NEBL: variants seen among roughly 807,000 people sequenced by gnomAD.
NEBL encodes the protein nebulette, also known as LIM and SH3 protein 2.
A neutral mutation model predicts 140.2 loss-of-function variants in NEBL; 122 were observed. The observed-to-expected ratio is 0.87, with a 90% CI of 0.75 to 1.01. The LOEUF is 1.01. Among genes scored for constraint, NEBL ranks in the 50% least tolerant of loss-of-function variants. The probability of loss-of-function intolerance (pLI) is 0.00; values close to 1 mark genes in which losing one functional copy is unlikely to be tolerated. For synonymous variants in NEBL, 436 were observed against 398.9 expected, an observed-to-expected ratio of 1.09 and a Z score of -1.11; for missense variants, 1,365 against 1,231.3, an observed-to-expected ratio of 1.11 and a Z score of -1.62.
chr10:20,789,097 C>A (rs977263021), intron 26 of NEBL, among the ~76,000 whole-genome samples: 1 of 152,144 alleles, frequency 6.6e-6, no homozygotes, highest in African/African-American at 2.4e-5. Context: ...TCTTGGGCAC[C>A]TGGCCTTTTA....
At chr10:21,141,633 C>T (rs1344739545) in intron 2 of NEBL, among the ~76,000 whole-genome samples, 1 of 151,916 alleles carries the variant, frequency 6.6e-6, no homozygotes, top group Non-Finnish European at 1.5e-5. Context: ...CAGAGAAACA[C>T]AAAAAAGATG....
intron 3 of NEBL, among the ~76,000 whole-genome samples, chr10:21,000,404 C>A (rs1015138656): frequency 1.3e-5 from 2 of 152,030 alleles, no homozygotes. Context: ...TCTGGTCCCC[C>A]CATTAGTCCC....
intron 3 of NEBL, among the ~76,000 whole-genome samples, chr10:21,241,391 C>T (rs1842438779): frequency 6.6e-6 from 1 of 152,062 alleles, no homozygotes; most frequent in Admixed American, 6.5e-5. Context: ...ATTCCCGTTC[C>T]AGGCGGCGCA....
chr10:20,933,807 C>A (rs548204997), intron 4 of NEBL, among the ~76,000 whole-genome samples: 1 of 152,120 alleles, frequency 6.6e-6, no homozygotes, highest in African/African-American at 2.4e-5. Flanking sequence ...TCAGATACAA[C>A]ACAAATGACA....
chr10:21,266,742 G>A (rs911637146), intron 1 of NEBL, among the ~76,000 whole-genome samples: 12 of 152,264 alleles, frequency 7.9e-5, no homozygotes, highest in African/African-American at 2.9e-4. Context: ...TTTCAGCAAG[G>A]GAGAAAATCC....
intron 3 of NEBL, among the ~76,000 whole-genome samples, chr10:21,180,693 T>C (rs1373960034): frequency 6.6e-6 from 1 of 152,166 alleles, no homozygotes; most frequent in African/African-American, 2.4e-5. Context: ...TAAGCCACCT[T>C]GTCCAGCTAT....
At chr10:20,867,501 C>A (rs577791726) in intron 7 of NEBL, among the ~76,000 whole-genome samples, 9 of 152,212 alleles carry the variant, frequency 5.9e-5, no homozygotes, top group African/African-American at 1.7e-4. Context: ...GCAAACATTA[C>A]CTTTTTCATT....
At chr10:21,179,405 G>T (rs1050122478), upstream of NEBL, among the ~76,000 whole-genome samples, 2 of 152,110 alleles carry the variant, frequency 1.3e-5, no homozygotes, top group African/African-American at 4.8e-5. Flanking sequence ...CCCACAAGAA[G>T]CTGACTCACC....
intron 2 of NEBL, among the ~76,000 whole-genome samples, chr10:21,058,218 C>A (rs1193089711): frequency 6.6e-6 from 1 of 152,272 alleles, no homozygotes; most frequent in East Asian, 1.9e-4. Context: ...TTCAGACATG[C>A]TAGACTTGTG....
intron 3 of NEBL, among the ~76,000 whole-genome samples, chr10:21,180,329 A>G (rs567277790): frequency 1.3e-3 from 198 of 152,228 alleles, no homozygotes; most frequent in Non-Finnish European, 2.0e-3. Context: ...GGAAATAATG[A>G]CGTTCTGGGA....
intron 2 of NEBL, among the ~76,000 whole-genome samples, chr10:21,057,321 G>A (rs550098932): frequency 4.6e-5 from 7 of 152,056 alleles, no homozygotes; most frequent in African/African-American, 1.7e-4. Context: ...ATTAATAGCA[G>A]GGAGATGCAG....
intron 18 of NEBL, among the ~76,000 whole-genome samples, chr10:20,825,648 A>G (rs1262748364): frequency 6.6e-6 from 1 of 151,590 alleles, no homozygotes; most frequent in African/African-American, 2.4e-5. Context: ...TAGGCAACAA[A>G]GCAAGACTCT....
At chr10:20,886,074 T>TA (rs1183028371) in intron 4 of NEBL, among the ~76,000 whole-genome samples, 1 of 152,186 alleles carries the variant, frequency 6.6e-6, no homozygotes, top group Non-Finnish European at 1.5e-5. Context: ...ATGCTGGGCT[T>TA]AATACCTAGG....
In NEBL at chr10:20,884,776, C is replaced by T. The variant is rs190818077; in HGVS notation, c.369+3321G>A. Among the ~76,000 whole-genome samples, 665 of 152,330 alleles carry T rather than the reference C, an allele frequency of 4.4e-3. 4 individuals carry two copies. The highest frequency in any genetic ancestry group is 0.015 in the African/African-American group (629 of 41,580). The stretch of plus-strand genomic sequence containing the variant: ...TCCAATGCCTGAGTAGCGTGAATTG[C>T]TTCTATGATAAGGCATTATTTAGCC... On this transcript the variant is annotated intron_variant, in intron 4 of 27. Transcript: ENST00000377122.
At chr10:20,924,413 TAAAA>T (rs71390800) in intron 4 of NEBL, among the ~76,000 whole-genome samples, 1 of 59,058 alleles carries the variant, frequency 1.7e-5, no homozygotes, top group African/African-American at 6.6e-5. Flanking sequence ...AGGCATGAAG[TAAAA>T]AAAAAAAAAA....
chr10:20,914,108 C>T (rs1366520315), intron 4 of NEBL, among the ~76,000 whole-genome samples: 3 of 152,178 alleles, frequency 2.0e-5, no homozygotes, highest in Admixed American at 2.0e-4. Flanking sequence ...AAAGCAGACA[C>T]TGCACTTGAG....
chr10:20,907,419 C>T (rs1291150123), intron 4 of NEBL, among the ~76,000 whole-genome samples: 3 of 152,062 alleles, frequency 2.0e-5, no homozygotes, highest in African/African-American at 7.2e-5. Context: ...AGGATATTCA[C>T]CCTCTAATTT....
intron 4 of NEBL, among the ~76,000 whole-genome samples, chr10:20,885,895 T>A (rs16921221): frequency 0.019 from 2,962 of 152,302 alleles, 88 homozygotes; most frequent in African/African-American, 0.067. Context: ...ACATCATATA[T>A]TTTAAGCTGC....
chr10:20,893,590 C>G (rs1847210116), intron 2 of NEBL, among the ~76,000 whole-genome samples: 1 of 152,184 alleles, frequency 6.6e-6, no homozygotes, highest in East Asian at 1.9e-4. Flanking sequence ...GGACATTTCT[C>G]TCTATGGAGA....
Sources: allele counts gnomAD v4.1 joint callset (sites outside exome capture counted in the v4.1 genomes callset), GRCh38; gene constraint gnomAD v4.1.1; transcripts MANE v1.5; gene names NCBI Gene and HGNC (gene_info 2026-07-23, HGNC 2026-07-21).